HS6ST2: variants seen among roughly 807,000 people sequenced by gnomAD.
HS6ST2 encodes the protein heparan-sulfate 6-O-sulfotransferase 2.
HS6ST2 carries 17 observed loss-of-function variants against 33.0 expected under a neutral mutation model. The observed-to-expected ratio is 0.52, with a 90% confidence interval of 0.35 to 0.77. The LOEUF (loss-of-function observed/expected upper bound fraction) is 0.77, where lower values mean the gene tolerates loss of function less well. HS6ST2 is among the 30% of genes least tolerant of loss of function. The probability of loss-of-function intolerance (pLI) is 0.01; values close to 1 mark genes in which losing one functional copy is unlikely to be tolerated. For missense variants in HS6ST2, 519 were observed against 551.7 expected (o/e 0.94, Z 0.59); for synonymous variants, 248 against 237.1 (o/e 1.05, Z -0.42).
chrX:132,743,242 T>A (rs1183174537), intron 2 of HS6ST2, among the ~76,000 whole-genome samples: 1 of 112,428 alleles, frequency 8.9e-6, no homozygotes. Context: ...GGGGGAGACC[T>A]GGTTTCACAG....
At chrX:132,654,419 G>T (rs753572434) in intron 4 of HS6ST2, among the ~76,000 whole-genome samples, 1 of 111,212 alleles carries the variant, frequency 9.0e-6, no homozygotes, top group South Asian at 3.8e-4. Flanking sequence ...TGCCTGTAGG[G>T]TAAGTGTACC....
At chrX:132,852,361 G>C (rs1385801955) in intron 2 of HS6ST2, among the ~76,000 whole-genome samples, 1 of 111,430 alleles carries the variant, frequency 9.0e-6, no homozygotes, top group Non-Finnish European at 1.9e-5. Context: ...TATAATCATA[G>C]TAAATTCCAT....
intron 2 of HS6ST2, among the ~76,000 whole-genome samples, chrX:132,732,563 C>T (rs1344044074): frequency 9.0e-6 from 1 of 111,143 alleles, no homozygotes; most frequent in African/African-American, 3.3e-5. Flanking sequence ...AATCATGGGG[C>T]TGGTTTCCCC....
chrX:132,945,470 A>G (rs754765548), intron 2 of HS6ST2, among the ~76,000 whole-genome samples: 150 of 111,675 alleles, frequency 1.3e-3, no homozygotes, highest in African/African-American at 4.7e-3. Context: ...ATCTAGAACT[A>G]GAAATACCAT....
chrX:132,713,599 C>T (rs968053262), intron 2 of HS6ST2, among the ~76,000 whole-genome samples: 1 of 111,903 alleles, frequency 8.9e-6, no homozygotes, highest in East Asian at 2.8e-4. Flanking sequence ...ATGCCAAGTC[C>T]ACTGGAAATC....
intron 4 of HS6ST2, among the ~76,000 whole-genome samples, chrX:132,661,383 A>T (rs1319152634): frequency 9.0e-6 from 1 of 111,435 alleles, no homozygotes; most frequent in South Asian, 3.7e-4. Flanking sequence ...ACAAAAATCA[A>T]TTATACTTCT....
intron 2 of HS6ST2, among the ~76,000 whole-genome samples, chrX:132,797,190 T>TTCAATTAATC (rs2065189714): frequency 9.0e-6 from 1 of 111,587 alleles, no homozygotes; most frequent in African/African-American, 3.3e-5. Context: ...GACACAAAGA[T>TTCAATTAATC]TCAATTAATC....
chrX:132,824,045 A>G (rs1047793596), intron 2 of HS6ST2, among the ~76,000 whole-genome samples: 1 of 110,319 alleles, frequency 9.1e-6, no homozygotes, highest in Non-Finnish European at 1.9e-5. Context: ...TTGGGGCCTG[A>G]ACTCTGCCAT....
chrX:132,711,062 T>G (rs185065989), intron 2 of HS6ST2, among the ~76,000 whole-genome samples: 1 of 111,913 alleles, frequency 8.9e-6, no homozygotes, highest in Non-Finnish European at 1.9e-5. Flanking sequence ...AGGAATAACC[T>G]TCCTCTGAGC....
At position 132,958,564 on chromosome X, in the gene HS6ST2, C is replaced by T; in HGVS notation, c.39G>A (p.Pro13=). The stretch of plus-strand genomic sequence containing the variant: ...GCGCTCCTCGCTCCGGTTGCCGCGG[C>T]GGCTCGAACTCCCGGACTGCACACG... ...LPACAVREFE[P]PRQPERGAPV... The change falls in exon 1 of 5, where the codon CCG becomes CCA. Residue 13 remains proline (P), a synonymous_variant. Coordinates refer to ENST00000370833, the MANE Select transcript of HS6ST2 (RefSeq NM_001394073.1). The T allele has an allele frequency of 2.5e-6, 3 of 1,181,710 alleles. No individual in the cohort carries two copies. The highest frequency in any genetic ancestry group is 3.4e-6 in the Non-Finnish European group (3 of 880,622).
At chrX:132,793,398 T>G (rs1202987764) in intron 2 of HS6ST2, among the ~76,000 whole-genome samples, 1 of 110,949 alleles carries the variant, frequency 9.0e-6, no homozygotes, top group Non-Finnish European at 1.9e-5. Context: ...CTGTGCTAGA[T>G]GCTGGGCTTG....
intron 4 of HS6ST2, among the ~76,000 whole-genome samples, chrX:132,648,760 G>A (rs377688156): frequency 2.0e-3 from 219 of 111,160 alleles, no homozygotes; most frequent in African/African-American, 6.7e-3. Context: ...CTGGTGGTAC[G>A]GGAAAGCCAT....
chrX:132,751,797 G>A (rs1250924666), intron 2 of HS6ST2, among the ~76,000 whole-genome samples: 5 of 112,603 alleles, frequency 4.4e-5, no homozygotes, highest in Non-Finnish European at 9.4e-5. Flanking sequence ...CAGGCCTCCT[G>A]CAACATGTCT....
chrX:132,670,285 T>C (rs192482785), intron 3 of HS6ST2, among the ~76,000 whole-genome samples: 44 of 112,072 alleles, frequency 3.9e-4, no homozygotes, highest in Non-Finnish European at 7.5e-4. Flanking sequence ...ATCTCCAAAA[T>C]AGATGTCTGC....
chrX:132,856,784 C>T (rs1294436519), intron 2 of HS6ST2, among the ~76,000 whole-genome samples: 2 of 111,752 alleles, frequency 1.8e-5, no homozygotes, highest in Admixed American at 9.5e-5. Flanking sequence ...ACTCAAGCTG[C>T]GTCAGATCAG....
intron 4 of HS6ST2, among the ~76,000 whole-genome samples, chrX:132,665,160 A>G: frequency 8.9e-6 from 1 of 112,016 alleles, no homozygotes; most frequent in Middle Eastern, 4.6e-3. Context: ...TAAAAGTAGG[A>G]TGATTCTAAT....
chrX:132,871,895 G>A (rs2066063540), intron 2 of HS6ST2, among the ~76,000 whole-genome samples: 1 of 111,004 alleles, frequency 9.0e-6, no homozygotes, highest in Non-Finnish European at 1.9e-5. Context: ...AAACCTGAAC[G>A]TTCCGCACAT....
At chrX:132,817,861 T>C (rs1157536884) in intron 2 of HS6ST2, among the ~76,000 whole-genome samples, 1 of 111,602 alleles carries the variant, frequency 9.0e-6, no homozygotes, top group Admixed American at 9.5e-5. Flanking sequence ...CTCTGATAGC[T>C]ATGGTGAGAA....
At chrX:132,633,606 T>C (rs1569475417) in intron 4 of HS6ST2, among the ~76,000 whole-genome samples, 1 of 110,829 alleles carries the variant, frequency 9.0e-6, no homozygotes, top group Non-Finnish European at 1.9e-5. Context: ...TGAACAGATC[T>C]GGCACTCAGA....
Sources: allele counts gnomAD v4.1 joint callset (sites outside exome capture counted in the v4.1 genomes callset), GRCh38; gene constraint gnomAD v4.1.1; transcripts MANE v1.5; gene names NCBI Gene and HGNC (gene_info 2026-07-23, HGNC 2026-07-21).